The following CHST3 variants were observed in gnomAD, a reference collection of about 807,000 sequenced individuals.
CHST3 encodes C6ST-1.
A neutral mutation model predicts 35.4 loss-of-function variants in CHST3; 20 were observed. That is an observed-to-expected ratio of 0.57 (90% CI 0.40 to 0.82). CHST3 has a LOEUF of 0.82. Among genes scored for constraint, CHST3 ranks in the 40% least tolerant of loss-of-function variants. CHST3 has a pLI of 0.00. For missense variants in CHST3, 693 were observed against 670.1 expected (o/e 1.03, Z -0.38); for synonymous variants, 334 against 295.9 (o/e 1.13, Z -1.32).
chr10:71,983,540 TC>T lies in CHST3; in HGVS notation c.-108+18849del, dbSNP rs571111785. Among the ~76,000 whole-genome samples the T allele has an allele frequency of 1.6e-4, 25 of 152,276 alleles. 1 individual carries two copies. In the South Asian group the frequency reaches 5.0e-3, roughly 30 times the overall value. On this transcript the variant is annotated intron_variant, in intron 1 of 2. Coordinates refer to ENST00000373115, the MANE Select transcript of CHST3 (RefSeq NM_004273.5). ...ATCTTGGCTCACTGCAACCTCTGCC[TC>T]CCGGGTTCAAACAGTTCTCTTGCCT...
intron 1 of CHST3, among the ~76,000 whole-genome samples, chr10:71,967,083 GCC>G (rs1839638614): frequency 6.6e-6 from 1 of 152,140 alleles, no homozygotes; most frequent in South Asian, 2.1e-4. Context: ...ACTCACCATA[GCC>G]TCGACCTCCT....
Position 72,010,321 on chromosome 10 carries a change from G to A in CHST3, c.*1850G>A, listed in dbSNP as rs1589511311. On this transcript the variant is annotated 3_prime_UTR_variant, in exon 3 of 3. Coordinates refer to ENST00000373115, the MANE Select transcript of CHST3 (RefSeq NM_004273.5). ...CGAGGGCTGCCCAGCTCTGCTTCTG[G>A]TTTCCTGGACAATTTCTCTGTCAGA... 6 of 152,358 alleles carry A rather than the reference G, an allele frequency of 3.9e-5. 1 individual carries two copies. The East Asian group carries it at 7.7e-4, about 20-fold the overall frequency. The allele number at this position is 152,358 out of a possible 1,614,324, so 9.4% of individuals were successfully genotyped here.
At chr10:71,980,705 A>C (rs2131745325) in intron 1 of CHST3, among the ~76,000 whole-genome samples, 2 of 152,266 alleles carry the variant, frequency 1.3e-5, no homozygotes, top group South Asian at 4.1e-4. Flanking sequence ...CCACTTTGAG[A>C]CCCACCCTCC....
At chr10:71,965,016 G>A (rs1589493814) in intron 1 of CHST3, among the ~76,000 whole-genome samples, 1 of 152,194 alleles carries the variant, frequency 6.6e-6, no homozygotes, top group South Asian at 2.1e-4. Context: ...GAGCGCGGGG[G>A]ATTTGGCCTC....
At chr10:71,968,189 G>A (rs1839651418) in intron 1 of CHST3, among the ~76,000 whole-genome samples, 3 of 152,028 alleles carry the variant, frequency 2.0e-5, no homozygotes, top group African/African-American at 4.8e-5. Context: ...ATTCTGACTG[G>A]TATGAGATGG....
intron 1 of CHST3, among the ~76,000 whole-genome samples, chr10:71,966,989 A>T (rs1444706599): frequency 6.6e-6 from 1 of 152,152 alleles, no homozygotes; most frequent in Non-Finnish European, 1.5e-5. Flanking sequence ...GGTAGTAAGC[A>T]TAGTACCCAA....
intron 1 of CHST3, among the ~76,000 whole-genome samples, chr10:71,989,458 A>G (rs770537592): frequency 3.9e-5 from 6 of 152,246 alleles, no homozygotes; most frequent in Non-Finnish European, 7.4e-5. Context: ...AAAAGAAAAA[A>G]AAAAGTTGGA....
At chr10:71,982,639 A>G (rs370852176) in intron 1 of CHST3, among the ~76,000 whole-genome samples, 2 of 152,098 alleles carry the variant, frequency 1.3e-5, no homozygotes, top group Non-Finnish European at 2.9e-5. Flanking sequence ...TGCCCCGGCT[A>G]TTCAGAAGCT....
chr10:71,965,135 G>T (rs1839616972), intron 1 of CHST3, among the ~76,000 whole-genome samples: 1 of 152,242 alleles, frequency 6.6e-6, no homozygotes, highest in Non-Finnish European at 1.5e-5. Context: ...CAGGAGAGAG[G>T]CTGCCTGGGT....
chr10:71,985,314 A>G (rs1297303777), intron 1 of CHST3, among the ~76,000 whole-genome samples: 1 of 152,230 alleles, frequency 6.6e-6, no homozygotes, highest in African/African-American at 2.4e-5. Context: ...CCTCCTTACC[A>G]GAACCCACAC....
intron 1 of CHST3, among the ~76,000 whole-genome samples, chr10:71,978,276 G>T (rs1322595693): frequency 6.6e-6 from 1 of 151,890 alleles, no homozygotes; most frequent in African/African-American, 2.4e-5. Context: ...TGAGGCAGGA[G>T]AATCTCTTGA....
chr10:71,983,099 C>T (rs1839816480), intron 1 of CHST3, among the ~76,000 whole-genome samples: 1 of 152,166 alleles, frequency 6.6e-6, no homozygotes, highest in Non-Finnish European at 1.5e-5. Flanking sequence ...GGGTGGAGAC[C>T]AGTTGGAAAG....
rs758936581 is a variant in CHST3, at chr10:72,005,811, C to T, written c.-32C>T. 51 of 1,613,838 alleles carry T rather than the reference C, an allele frequency of 3.2e-5. No homozygotes were observed. Among genetic ancestry groups the T allele is most frequent in the South Asian group, 6.6e-5 (6 of 91,078 alleles). ...CCCTCAGCTGAGTGTCCAAGGCTGG[C>T]CCGAGGAGCCCCCACGGCCCCACCT... On this transcript the variant is annotated 5_prime_UTR_variant, in exon 2 of 3. Coordinates refer to ENST00000373115, the MANE Select transcript of CHST3 (RefSeq NM_004273.5).
rs192919480 is a variant in CHST3 at position 71,978,322 on chromosome 10, C to A, written c.-108+13628C>A. Among the ~76,000 whole-genome samples, 136 of 151,768 alleles carry A rather than the reference C, an allele frequency of 9.0e-4. 1 individual carries two copies. The highest frequency in any genetic ancestry group is 3.2e-3 in the African/African-American group (134 of 41,338). On this transcript the variant is annotated intron_variant, in intron 1 of 2. Coordinates refer to ENST00000373115, the MANE Select transcript of CHST3 (RefSeq NM_004273.5). ...CGGAGGTTGCGGTGAGCCGAGATCACACCATTGCACTCCAGCCTAGGCGAT... is the reference window on the plus strand; with the variant it reads ...CGGAGGTTGCGGTGAGCCGAGATCAAACCATTGCACTCCAGCCTAGGCGAT...
chr10:71,979,107 A>G (rs1185190794), intron 1 of CHST3, among the ~76,000 whole-genome samples: 1 of 152,156 alleles, frequency 6.6e-6, no homozygotes, highest in Non-Finnish European at 1.5e-5. Flanking sequence ...TACCTCTAAT[A>G]CAAGGTGAAA....
intron 1 of CHST3, among the ~76,000 whole-genome samples, chr10:71,999,709 C>T (rs1839974277): frequency 6.6e-6 from 1 of 152,232 alleles, no homozygotes; most frequent in African/African-American, 2.4e-5. Flanking sequence ...TTTTGGGCCT[C>T]AGTGGAAGGG....
chr10:71,984,925 T>G (rs980121133), intron 1 of CHST3, among the ~76,000 whole-genome samples: 1 of 152,344 alleles, frequency 6.6e-6, no homozygotes, highest in East Asian at 1.9e-4. Flanking sequence ...ATGTGAGCTT[T>G]TGTCACTCAG....
chr10:71,967,578 T>C (rs1403622478), intron 1 of CHST3, among the ~76,000 whole-genome samples: 1 of 152,242 alleles, frequency 6.6e-6, no homozygotes, highest in Non-Finnish European at 1.5e-5. Flanking sequence ...CTACCGTTGA[T>C]GGGCATTTAG....
intron 1 of CHST3, among the ~76,000 whole-genome samples, chr10:71,968,812 G>T (rs867348629): frequency 6.6e-6 from 1 of 152,052 alleles, no homozygotes; most frequent in Non-Finnish European, 1.5e-5. Flanking sequence ...GAGATTTTGG[G>T]GGGGCACACA....
Sources: allele counts gnomAD v4.1 joint callset (sites outside exome capture counted in the v4.1 genomes callset), GRCh38; gene constraint gnomAD v4.1.1; transcripts MANE v1.5; gene names NCBI Gene and HGNC (gene_info 2026-07-23, HGNC 2026-07-21).